CFH: variants seen among roughly 807,000 people sequenced by gnomAD.
The protein encoded by CFH is complement factor H.
In CFH, 53 loss-of-function variants were observed where a neutral mutation model predicts 147.3. The observed-to-expected ratio is 0.36, with a 90% CI of 0.29 to 0.45. CFH has a LOEUF of 0.45. CFH is among the 20% of genes least tolerant of loss of function. The pLI is 1.00. For missense variants in CFH, 1,380 were observed against 1,498.0 expected, an observed-to-expected ratio of 0.92 and a Z score of 1.30; for synonymous variants, 536 against 489.4, an observed-to-expected ratio of 1.10 and a Z score of -1.26.
At chr1:196,731,127 G>T (rs921919846) in intron 15 of CFH, among the ~76,000 whole-genome samples, 2 of 151,682 alleles carry the variant, frequency 1.3e-5, no homozygotes, top group African/African-American at 2.4e-5. Context: ...ATTGTGTTCT[G>T]GTTGTTTTTA....
intron 1 of CFH, among the ~76,000 whole-genome samples, chr1:196,655,510 G>A (rs528773361): frequency 6.6e-6 from 1 of 152,328 alleles, no homozygotes; most frequent in South Asian, 2.1e-4. Flanking sequence ...CCAAATATAA[G>A]TTCAAAAGCA....
rs1450680649 is a variant in CFH, at chr1:196,704,433, G to T, written c.1337-9302G>T. Among the ~76,000 whole-genome samples the T allele has an allele frequency of 2.6e-5, 4 of 152,140 alleles. No individual in the cohort carries two copies. The East Asian group carries it at 7.7e-4, about 29-fold the overall frequency. ...GGCAGTACTCTTAACCAAACTAAATGCTAAGATTACTTTTTCTCTGAGATG... is the reference window on the plus strand; with the variant it reads ...GGCAGTACTCTTAACCAAACTAAATTCTAAGATTACTTTTTCTCTGAGATG... On this transcript the variant is annotated intron_variant, in intron 9 of 21. Coordinates refer to ENST00000367429, the MANE Select transcript of CFH (RefSeq NM_000186.4).
At chr1:196,735,045 G>A (rs1669368953) in intron 15 of CFH, among the ~76,000 whole-genome samples, 1 of 151,988 alleles carries the variant, frequency 6.6e-6, no homozygotes, top group Non-Finnish European at 1.5e-5. Flanking sequence ...AAACTTTAAA[G>A]CTCTATTCTT....
intron 11 of CFH, among the ~76,000 whole-genome samples, chr1:196,720,698 A>C (rs746663893): frequency 4.6e-5 from 7 of 151,724 alleles, no homozygotes; most frequent in Non-Finnish European, 8.8e-5. Flanking sequence ...TCTTTATCCA[A>C]TCATCTGTTG....
intron 9 of CFH, among the ~76,000 whole-genome samples, chr1:196,705,907 T>G (rs1668573153): frequency 1.3e-5 from 2 of 152,168 alleles, no homozygotes; most frequent in African/African-American, 2.4e-5. Context: ...TGTTTCTGCT[T>G]TAAATCCTGC....
At chr1:196,734,661 G>C (rs1000028506) in intron 15 of CFH, among the ~76,000 whole-genome samples, 6 of 152,006 alleles carry the variant, frequency 3.9e-5, no homozygotes, top group African/African-American at 1.4e-4. Flanking sequence ...GTGCCTGTGG[G>C]GGGAAGGGAG....
chr1:196,741,563 A>G (rs188648570), intron 18 of CFH: 29 of 343,992 alleles, frequency 8.4e-5, no homozygotes, highest in African/African-American at 6.0e-4. Flanking sequence ...GGGTGAGGAC[A>G]CAAAGCCTAA....
At position 196,715,534 on chromosome 1, in the gene CFH, TACTC is replaced by T. The variant is rs1362134173; in HGVS notation, c.1520-57_1520-54del. Reference sequence around the variant, plus strand: ...AGCTTTTTCTTCTTAGAATGGGAAATACTCAGATTGTTTATTAGATGACATTAGA... The same window carrying T: ...AGCTTTTTCTTCTTAGAATGGGAAATAGATTGTTTATTAGATGACATTAGA... On this transcript the variant is annotated intron_variant, in intron 10 of 21. Transcript: ENST00000367429. The T allele has an allele frequency of 5.3e-6, 7 of 1,322,100 alleles. No individual in the cohort carries two copies. The African/African-American group carries it at 8.7e-5, about 16-fold the overall frequency. The allele number at this position is 1,322,100 out of a possible 1,614,324, so 81.9% of individuals were successfully genotyped here. A position where few individuals can be genotyped will look rare whatever the true frequency, so the allele number is the denominator to read the frequency against.
At chr1:196,693,051 A>G (rs1010113533) in intron 9 of CFH, among the ~76,000 whole-genome samples, 3 of 151,844 alleles carry the variant, frequency 2.0e-5, no homozygotes, top group African/African-American at 7.3e-5. Context: ...CGGTTGTCAT[A>G]TAATTAACAA....
intron 9 of CFH, among the ~76,000 whole-genome samples, chr1:196,709,921 G>T (rs995921908): frequency 4.6e-5 from 7 of 151,944 alleles, no homozygotes; most frequent in South Asian, 2.1e-4. Context: ...GAGGTGGGAG[G>T]ACCACTTGAG....
chr1:196,741,343 G>A lies in CFH; in HGVS notation c.2957-532G>A, dbSNP rs1652803200. The A allele has an allele frequency of 1.7e-5, 3 of 178,310 alleles. No individual in the cohort carries two copies. The South Asian group carries it at 3.6e-4, about 21-fold the overall frequency. The allele number at this position is 178,310 out of a possible 1,614,324, so 11.0% of individuals were successfully genotyped here. ...TGTCATGAAACTTACCATTACCGCT[G>A]AAGGGGAAGCAGGCACCTTCTTCAC... On this transcript the variant is annotated intron_variant, in intron 18 of 21. Transcript: ENST00000367429.
chr1:196,704,005 AG>A (rs1248149876), intron 9 of CFH, among the ~76,000 whole-genome samples: 7 of 150,002 alleles, frequency 4.7e-5, no homozygotes, highest in South Asian at 4.2e-4. Context: ...AAAAAAAAAA[AG>A]ACAGAGTTTT....
intron 1 of CFH, among the ~76,000 whole-genome samples, chr1:196,661,656 T>C (rs1297142477): frequency 6.6e-6 from 1 of 152,176 alleles, no homozygotes; most frequent in Non-Finnish European, 1.5e-5. Flanking sequence ...CTCCTAATAC[T>C]ATCACATTGG....
chr1:196,692,781 T>C (rs1233521549), intron 9 of CFH, among the ~76,000 whole-genome samples: 5 of 114,534 alleles, frequency 4.4e-5, no homozygotes, highest in African/African-American at 1.9e-4. Flanking sequence ...TTTCTTTCTT[T>C]CTTTCTTTCT....
At chr1:196,744,889 A>G (rs1652946511) in intron 20 of CFH, among the ~76,000 whole-genome samples, 1 of 152,114 alleles carries the variant, frequency 6.6e-6, no homozygotes, top group Non-Finnish European at 1.5e-5. Flanking sequence ...ACTGGAGACA[A>G]ATTCCCTTGG....
intron 1 of CFH, among the ~76,000 whole-genome samples, chr1:196,653,835 T>C (rs139851457): frequency 8.5e-5 from 13 of 152,244 alleles, no homozygotes; most frequent in African/African-American, 3.1e-4. Context: ...GTGAAAATGA[T>C]ATAAATCTGA....
intron 9 of CFH, among the ~76,000 whole-genome samples, chr1:196,709,807 A>G (rs1472050500): frequency 6.6e-6 from 1 of 152,062 alleles, no homozygotes; most frequent in Non-Finnish European, 1.5e-5. Flanking sequence ...AAAAAAACCT[A>G]GCAACATACT....
Position 196,726,480 on chromosome 1 carries a change from A to C in CFH, c.1884A>C (p.Gln628His). 1 of 1,610,288 alleles carries C rather than the reference A, an allele frequency of 6.2e-7. No homozygotes were observed. The highest frequency in any genetic ancestry group is 1.1e-5 in the South Asian group (1 of 90,982). Residue 628 changes from glutamine (Q) to histidine (H), a missense_variant, in exon 13 of 22, where the codon CAA (glutamine) becomes CAC (histidine). By Grantham distance (24) the Gln-to-His change is conservative (BLOSUM62 0). Transcript: ENST00000367429. The part of the protein sequence containing the change: ...PDLPICKEQV[Q>H]SCGPPPELLN... ...GTATTTCTACTATAGAGCAAGTACAATCATGTGGTCCACCTCCTGAACTCC... is the reference window on the plus strand; with the variant it reads ...GTATTTCTACTATAGAGCAAGTACACTCATGTGGTCCACCTCCTGAACTCC...
At chr1:196,666,735 C>A (rs1354840126) in intron 1 of CFH, among the ~76,000 whole-genome samples, 1 of 148,920 alleles carries the variant, frequency 6.7e-6, no homozygotes, top group African/African-American at 2.5e-5. Flanking sequence ...TGGCGTGAAC[C>A]CAGGAGTGGA....
Sources: allele counts gnomAD v4.1 joint callset (sites outside exome capture counted in the v4.1 genomes callset), GRCh38; gene constraint gnomAD v4.1.1; transcripts MANE v1.5; gene names NCBI Gene and HGNC (gene_info 2026-07-23, HGNC 2026-07-21).